The following TRMT11 variants were observed in gnomAD, a reference collection of about 807,000 sequenced individuals.
TRMT11 encodes the protein tRNA methyltransferase 11.
In TRMT11, 53 loss-of-function variants were observed where a neutral mutation model predicts 62.8. The ratio of observed to expected loss-of-function variants is 0.84; its 90% CI spans 0.68 to 1.06. The LOEUF is 1.06. Among genes scored for constraint, TRMT11 ranks in the 50% least tolerant of loss-of-function variants. The probability of loss-of-function intolerance (pLI) is 0.00; values close to 1 mark genes in which losing one functional copy is unlikely to be tolerated. For missense variants in TRMT11, 556 were observed against 553.4 expected (o/e 1.00, Z -0.05); for synonymous variants, 188 against 190.3 (o/e 0.99, Z 0.10).
At chr6:126,256,057 C>T in the TRMT11 span, among the ~76,000 whole-genome samples, 1 of 152,166 alleles carries the variant, frequency 6.6e-6, no homozygotes, top group Non-Finnish European at 1.5e-5. Context: ...AAAGTTTTAA[C>T]TAGACTGGAG....
intron 1 of TRMT11, among the ~76,000 whole-genome samples, chr6:125,990,090 C>T (rs574065689): frequency 2.8e-4 from 43 of 152,220 alleles, no homozygotes; most frequent in Middle Eastern, 3.4e-3. Flanking sequence ...TTTCTTGAAT[C>T]CCCTTCAATG....
chr6:126,088,656 A>G (rs183677783), intron 17 of TRMT11, among the ~76,000 whole-genome samples: 23 of 152,326 alleles, frequency 1.5e-4, no homozygotes, highest in Non-Finnish European at 2.8e-4. Context: ...AGGCTTCTCA[A>G]ATATCCAAAT....
intron 17 of TRMT11, among the ~76,000 whole-genome samples, chr6:126,082,885 A>G (rs1160496650): frequency 6.6e-6 from 1 of 152,132 alleles, no homozygotes; most frequent in African/African-American, 2.4e-5. Flanking sequence ...TGGTTAAAGT[A>G]GTGGTTAACA....
intron 21 of TRMT11, among the ~76,000 whole-genome samples, chr6:126,168,376 G>T (rs1301959597): frequency 6.6e-6 from 1 of 152,144 alleles, no homozygotes; most frequent in African/African-American, 2.4e-5. Flanking sequence ...TGTCATTGGT[G>T]AATGGAAAGA....
intron 7 of TRMT11, among the ~76,000 whole-genome samples, chr6:126,005,182 C>G (rs533095462): frequency 6.6e-6 from 1 of 152,154 alleles, no homozygotes; most frequent in East Asian, 1.9e-4. Context: ...ATATATAACA[C>G]TCTTATTAAC....
intron 21 of TRMT11, among the ~76,000 whole-genome samples, chr6:126,116,186 A>G (rs888189124): frequency 6.6e-5 from 10 of 152,024 alleles, no homozygotes; most frequent in African/African-American, 2.2e-4. Flanking sequence ...AAGGCAAATA[A>G]CAAGAAGGCT....
chr6:126,247,614 T>C, the TRMT11 span, among the ~76,000 whole-genome samples: 1 of 148,890 alleles, frequency 6.7e-6, no homozygotes, highest in Non-Finnish European at 1.5e-5. Flanking sequence ...CATAGAACTA[T>C]AAAGACTTAC....
At chr6:126,188,432 C>T (rs966518824) in intron 1 of TRMT11, among the ~76,000 whole-genome samples, 1 of 152,068 alleles carries the variant, frequency 6.6e-6, no homozygotes, top group African/African-American at 2.4e-5. Flanking sequence ...CACAAGATAA[C>T]ATTCCATACC....
At chr6:125,987,681 T>C (rs1789887503) in intron 1 of TRMT11, among the ~76,000 whole-genome samples, 1 of 151,914 alleles carries the variant, frequency 6.6e-6, no homozygotes, top group Non-Finnish European at 1.5e-5. Context: ...ACTGGGAAAA[T>C]ATTTAGGCCA....
chr6:126,146,216 G>A (rs573189922), intron 21 of TRMT11, among the ~76,000 whole-genome samples: 16 of 152,244 alleles, frequency 1.1e-4, no homozygotes, highest in South Asian at 8.3e-4. Context: ...GAACAGTTGC[G>A]TCTTGTTTTA....
At chr6:126,158,341 A>T in intron 21 of TRMT11, among the ~76,000 whole-genome samples, 1 of 152,142 alleles carries the variant, frequency 6.6e-6, no homozygotes, top group East Asian at 1.9e-4. Context: ...TGCTCATGGT[A>T]TAGTTTGGTA....
At chr6:126,107,116 C>A (rs1032699702) in intron 17 of TRMT11, among the ~76,000 whole-genome samples, 3 of 152,012 alleles carry the variant, frequency 2.0e-5, no homozygotes, top group African/African-American at 7.2e-5. Flanking sequence ...GGATAGAGAG[C>A]GTTGCTTGGA....
the TRMT11 span, among the ~76,000 whole-genome samples, chr6:126,259,043 T>C: frequency 5.1e-3 from 777 of 152,318 alleles, 9 homozygotes; most frequent in African/African-American, 0.018. Flanking sequence ...TTCTCATCAT[T>C]TAGCTCCCAC....
chr6:126,243,450 A>T, the TRMT11 span, among the ~76,000 whole-genome samples: 13 of 152,326 alleles, frequency 8.5e-5, no homozygotes, highest in African/African-American at 2.4e-4. Context: ...TACCCAAAGG[A>T]GTATAAATCA....
In TRMT11 at chr6:126,012,681, G is replaced by T. The variant is rs867465060; in HGVS notation, c.926-90G>T. 6.1e-5 allele frequency: 51 copies of T among 842,078 alleles called. No individual in the cohort carries two copies. The South Asian group carries it at 7.7e-4, about 13-fold the overall frequency. The allele number at this position is 842,078 out of a possible 1,614,324, so 52.2% of individuals were successfully genotyped here. On this transcript the variant is annotated intron_variant, in intron 9 of 12. Coordinates refer to ENST00000334379, the MANE Select transcript of TRMT11 (RefSeq NM_001031712.3). Reference sequence around the variant, plus strand: ...TTGGTGATGTTGTGTTCTTCTCAGGGTGTCACATTTGAAGGCAGCATGGCT... The same window carrying T: ...TTGGTGATGTTGTGTTCTTCTCAGGTTGTCACATTTGAAGGCAGCATGGCT...
At chr6:126,203,921 G>T (rs62427028), downstream of TRMT11, among the ~76,000 whole-genome samples, 3 of 123,752 alleles carry the variant, frequency 2.4e-5, no homozygotes, top group South Asian at 4.5e-4. Flanking sequence ...TCATCATTTT[G>T]TGTGTGTGTG....
chr6:126,065,411 G>T (rs1776660428), intron 17 of TRMT11, among the ~76,000 whole-genome samples: 1 of 151,974 alleles, frequency 6.6e-6, no homozygotes, highest in African/African-American at 2.4e-5. Context: ...CCCTCTTCGT[G>T]TTTCACTCAC....
At chr6:126,178,462 T>C (rs1778416132) in intron 1 of TRMT11, among the ~76,000 whole-genome samples, 1 of 152,184 alleles carries the variant, frequency 6.6e-6, no homozygotes, top group Admixed American at 6.5e-5. Context: ...TCTTGCATGC[T>C]CAAGCCCATT....
At chr6:126,042,415 A>G (rs1775907118), downstream of TRMT11, among the ~76,000 whole-genome samples, 1 of 152,134 alleles carries the variant, frequency 6.6e-6, no homozygotes, top group African/African-American at 2.4e-5. Context: ...TGGAGGTTTA[A>G]TTGTAATGGC....
Sources: gnomAD v4.1 joint callset for allele counts (sites outside exome capture counted in the v4.1 genomes callset) on GRCh38, gnomAD v4.1.1 for gene constraint, MANE v1.5 for transcripts, NCBI Gene and HGNC (gene_info 2026-07-23, HGNC 2026-07-21) for gene names.